The following CUX1 variants were observed in gnomAD, a reference collection of about 807,000 sequenced individuals.
CUX1 encodes the protein protein CASP.
A neutral mutation model predicts 158.8 loss-of-function variants in CUX1; 31 were observed. The ratio of observed to expected loss-of-function variants is 0.20; its 90% CI spans 0.15 to 0.26. The LOEUF (loss-of-function observed/expected upper bound fraction) is 0.26. Among genes scored for constraint, CUX1 ranks in the 10% least tolerant of loss-of-function variants. The pLI is 1.00. For missense variants in CUX1, 1,589 were observed against 2,014.6 expected (o/e 0.79, Z 4.04); for synonymous variants, 879 against 862.1 (o/e 1.02, Z -0.34).
intron 1 of CUX1, among the ~76,000 whole-genome samples, chr7:101,880,809 A>G (rs1799627286): frequency 6.6e-6 from 1 of 152,064 alleles, no homozygotes; most frequent in South Asian, 2.1e-4. Context: ...ACAGGCCATG[A>G]CCCCTTTAGG....
At chr7:102,060,810 C>T (rs1824758969) in intron 3 of CUX1, among the ~76,000 whole-genome samples, 1 of 151,102 alleles carries the variant, frequency 6.6e-6, no homozygotes, top group Non-Finnish European at 1.5e-5. Flanking sequence ...GATGGGGTTT[C>T]ACCATGTTGG....
chr7:102,137,213 C>G (rs1362642279), intron 8 of CUX1, among the ~76,000 whole-genome samples: 1 of 152,188 alleles, frequency 6.6e-6, no homozygotes, highest in African/African-American at 2.4e-5. Context: ...ATGATTTCCC[C>G]TCTGTAAATT....
At chr7:101,954,160 T>C (rs1305166667) in intron 2 of CUX1, among the ~76,000 whole-genome samples, 1 of 152,124 alleles carries the variant, frequency 6.6e-6, no homozygotes, top group African/African-American at 2.4e-5. Flanking sequence ...TTTATGACCA[T>C]CCTGGGCAAC....
chr7:102,099,217 C>T (rs1829532186), intron 5 of CUX1, among the ~76,000 whole-genome samples: 2 of 152,140 alleles, frequency 1.3e-5, no homozygotes, highest in African/African-American at 4.8e-5. Context: ...AGGTGACAGG[C>T]AGCTGGGGAA....
intron 2 of CUX1, among the ~76,000 whole-genome samples, chr7:102,021,249 A>G (rs1210772079): frequency 6.6e-6 from 1 of 152,176 alleles, no homozygotes; most frequent in Non-Finnish European, 1.5e-5. Context: ...TATTTCCCAG[A>G]AAAGTATCCA....
At chr7:101,861,012 G>T (rs1797399430) in intron 1 of CUX1, among the ~76,000 whole-genome samples, 1 of 152,176 alleles carries the variant, frequency 6.6e-6, no homozygotes, top group South Asian at 2.1e-4. Context: ...TCTTGAACTG[G>T]CCTCAAGCGA....
Position 102,258,172 on chromosome 7 carries a change from A to G in CUX1, c.*9130A>G. On this transcript the variant is annotated 3_prime_UTR_variant, in exon 24 of 24. Coordinates refer to ENST00000292535, the MANE Select transcript of CUX1 (RefSeq NM_181552.4). ...TCACTGTATGAGACTCACACCATGT[A>G]TTATTATTCACTAGCACCCTAGGTG... is the stretch of plus-strand genomic sequence containing the variant. 1 of 985,078 alleles carries G rather than the reference A, an allele frequency of 1.0e-6. No homozygotes were observed. Among genetic ancestry groups the G allele is most frequent in the South Asian group, 4.7e-5 (1 of 21,278 alleles). The allele number at this position is 985,078 out of a possible 1,614,324, so 61.0% of individuals were successfully genotyped here.
intron 1 of CUX1, among the ~76,000 whole-genome samples, chr7:101,875,253 C>T (rs1799009250): frequency 6.6e-6 from 1 of 152,160 alleles, no homozygotes; most frequent in African/African-American, 2.4e-5. Context: ...CTTTCAGGTA[C>T]CGTCAGCCAC....
Position 101,931,434 on chromosome 7 carries a change from A to G in CUX1, c.141+15209A>G, listed in dbSNP as rs139885951. On this transcript the variant is annotated intron_variant, in intron 2 of 23. Coordinates refer to ENST00000292535, the MANE Select transcript of CUX1 (RefSeq NM_181552.4). ...TATCCAGTACTATTCTAAACACTGG[A>G]AAGGCATTTAACTAACTTAACACTC... is the stretch of plus-strand genomic sequence containing the variant. Among the ~76,000 whole-genome samples the G allele has an allele frequency of 5.3e-3, 811 of 152,320 alleles. 5 individuals carry two copies. Among genetic ancestry groups the G allele is most frequent in the African/African-American group, 0.019 (773 of 41,572 alleles).
intron 2 of CUX1, among the ~76,000 whole-genome samples, chr7:101,990,057 T>G (rs1234475743): frequency 6.6e-6 from 1 of 152,202 alleles, no homozygotes; most frequent in South Asian, 2.1e-4. Context: ...GAATAGCATC[T>G]GCATGCAAAT....
chr7:102,262,026 C>T (rs1186126460), downstream of CUX1, among the ~76,000 whole-genome samples: 2 of 152,064 alleles, frequency 1.3e-5, no homozygotes, highest in African/African-American at 2.4e-5. Flanking sequence ...GCTGAAGGAT[C>T]GCTTCAGCCC....
chr7:101,996,967 GCTCCCCTGCGCTCGTGTGCA>G (rs369638779), intron 2 of CUX1, among the ~76,000 whole-genome samples: 126 of 151,230 alleles, frequency 8.3e-4, no homozygotes, highest in African/African-American at 1.8e-3. Context: ...TCTGGGAATC[GCTCCCCTGCGCTCGTGTGCA>G]CTCCCCTGCG....
intron 20 of CUX1, among the ~76,000 whole-genome samples, chr7:102,281,231 G>A (rs1217652291): frequency 3.3e-5 from 5 of 152,182 alleles, no homozygotes; most frequent in Middle Eastern, 3.4e-3. Flanking sequence ...TTAGCCAGGC[G>A]CAGTGGTGTG....
chr7:101,978,715 C>T (rs1219762478), intron 2 of CUX1, among the ~76,000 whole-genome samples: 3 of 152,242 alleles, frequency 2.0e-5, no homozygotes, highest in African/African-American at 7.2e-5. Context: ...CTTGAACCTG[C>T]CTAGCCTCTG....
rs1554547133 is a variant in CUX1, at chr7:102,274,332, G to GGGAGGAGGGA, written c.1450+33_1450+42dup. ...TACGGTAAGGAGAGGCCTGACCCAT[G>GGGAGGAGGGA]GGAGGAGGGAGGAGGAGGGAAGAGG... On this transcript the variant is annotated intron_variant, in intron 16 of 22. Coordinates refer to the CUX1 transcript ENST00000292538. The GGGAGGAGGGA allele has an allele frequency of 1.9e-6, 3 of 1,597,292 alleles. No individual in the cohort carries two copies. In the African/African-American group the frequency reaches 4.0e-5, roughly 21 times the overall value.
chr7:102,187,334 A>T (rs1396136386), intron 11 of CUX1, among the ~76,000 whole-genome samples: 1 of 152,092 alleles, frequency 6.6e-6, no homozygotes, highest in Non-Finnish European at 1.5e-5. Context: ...GTCACTACAA[A>T]ATAACTTTAA....
Position 102,043,649 on chromosome 7 carries a change from G to C in CUX1, c.189+15504G>C, listed in dbSNP as rs553614123. On this transcript the variant is annotated intron_variant, in intron 3 of 23. Coordinates refer to ENST00000292535, the MANE Select transcript of CUX1 (RefSeq NM_181552.4). ...GTATTTGTTGTTGGATGCTTAGTCT[G>C]TTTCCATATCTTTCTATTGTAAATA... Among the ~76,000 whole-genome samples the C allele has an allele frequency of 4.6e-5, 7 of 152,188 alleles. No individual in the cohort carries two copies. The South Asian group carries it at 1.5e-3, about 32-fold the overall frequency.
rs142909079 is a variant in CUX1 at position 102,068,853 on chromosome 7, G to A, written c.190-1486G>A. 5.8e-4 allele frequency among the ~76,000 whole-genome samples: 89 copies of A among 152,306 alleles called. No homozygotes were observed. In the South Asian group the frequency reaches 7.5e-3, roughly 13 times the overall value. ...GATCTGTTGTCTCAGCAAGTGTGTA[G>A]GTAAGCTAAATATTCTAACAAGTCA... On this transcript the variant is annotated intron_variant, in intron 3 of 23. Transcript: ENST00000292535.
intron 3 of CUX1, among the ~76,000 whole-genome samples, chr7:102,050,227 C>T (rs1355789827): frequency 6.6e-6 from 1 of 152,170 alleles, no homozygotes; most frequent in Non-Finnish European, 1.5e-5. Flanking sequence ...CTTCTCTGTC[C>T]CATCCATATA....
Sources: gnomAD v4.1 joint callset for allele counts (sites outside exome capture counted in the v4.1 genomes callset) on GRCh38, gnomAD v4.1.1 for gene constraint, MANE v1.5 for transcripts, NCBI Gene and HGNC (gene_info 2026-07-23, HGNC 2026-07-21) for gene names.